OR4D2: variants seen among roughly 807,000 people sequenced by gnomAD.
The protein encoded by OR4D2 is olfactory receptor 4D2.
A neutral mutation model predicts 12.4 loss-of-function variants in OR4D2; 9 were observed. That is an observed-to-expected ratio of 0.73 (90% CI 0.44 to 1.27). The LOEUF (loss-of-function observed/expected upper bound fraction) is 1.27. Ranked by LOEUF, OR4D2 falls within the 50% of genes most tolerant of loss-of-function variation. The pLI is 0.00. For synonymous variants in OR4D2, 151 were observed against 151.1 expected, an observed-to-expected ratio of 1.00 and a Z score of 0.01; for missense variants, 373 against 381.6, an observed-to-expected ratio of 0.98 and a Z score of 0.19.
In OR4D2 at chr17:58,170,824, C is replaced by T. The variant is rs1261594106; in HGVS notation, c.*245C>T. ...TTGTTCACATGGCCCCTGAAAACCA[C>T]ACCTTCCTTTTCACCTTCTTGGTGG... is the stretch of plus-strand genomic sequence containing the variant. On this transcript the variant is annotated 3_prime_UTR_variant, in exon 2 of 2. Coordinates refer to ENST00000545221, the MANE Select transcript of OR4D2 (RefSeq NM_001004707.4). The T allele has an allele frequency of 5.9e-6, 3 of 511,318 alleles. No individual in the cohort carries two copies. Among genetic ancestry groups the T allele is most frequent in the Non-Finnish European group, 1.1e-5 (3 of 284,740 alleles). The allele number at this position is 511,318 out of a possible 1,614,324, so 31.7% of individuals were successfully genotyped here.
At position 58,170,050 on chromosome 17, in the gene OR4D2, A is replaced by G. The variant is rs1036912978; in HGVS notation, c.395A>G (p.Tyr132Cys). The G allele has an allele frequency of 3.1e-6, 5 of 1,613,874 alleles. 1 individual carries two copies. The highest frequency in any genetic ancestry group is 2.2e-5 in the South Asian group (2 of 91,046). The change falls in exon 2 of 2, where the codon TAT becomes TGT. Residue 132 changes from tyrosine to cysteine, a missense_variant. By Grantham distance (194) the Tyr-to-Cys change is radical. Coordinates refer to ENST00000545221, the MANE Select transcript of OR4D2 (RefSeq NM_001004707.4). ...RLIAISRPLR[Y>C]VTVMNTQLWV... ...ATTGCCATCTCCCGGCCCCTCCGCT[A>G]TGTCACCGTCATGAACACTCAGCTC...
Position 58,169,459 on chromosome 17 carries a change from A to C in OR4D2, c.-18-179A>C. The C allele has an allele frequency of 9.9e-6, 6 of 604,876 alleles. No homozygotes were observed. In the South Asian group the frequency reaches 1.2e-4, roughly 12 times the overall value. The allele number at this position is 604,876 out of a possible 1,614,324, so 37.5% of individuals were successfully genotyped here. Reference sequence around the variant, plus strand: ...TACTTCTGGATGGCGTTAAGATTTCAGGAATGTATATTCCAGCACCCACTT... The same window carrying C: ...TACTTCTGGATGGCGTTAAGATTTCCGGAATGTATATTCCAGCACCCACTT... On this transcript the variant is annotated intron_variant, in intron 1 of 1. Coordinates refer to ENST00000545221, the MANE Select transcript of OR4D2 (RefSeq NM_001004707.4).
At chr17:58,168,236 T>C (rs1190555048) in intron 1 of OR4D2, among the ~76,000 whole-genome samples, 1 of 151,574 alleles carries the variant, frequency 6.6e-6, no homozygotes, top group Non-Finnish European at 1.5e-5. Flanking sequence ...AGACAGAGTC[T>C]CGCTCTGTCA....
intron 1 of OR4D2, among the ~76,000 whole-genome samples, chr17:58,168,955 T>C (rs571233685): frequency 6.6e-6 from 1 of 152,340 alleles, no homozygotes; most frequent in South Asian, 2.1e-4. Flanking sequence ...CTTTTTAAGT[T>C]AACTGTCATT....
chr17:58,167,985 G>T (rs562220338), intron 1 of OR4D2, among the ~76,000 whole-genome samples: 3 of 119,838 alleles, frequency 2.5e-5, no homozygotes, highest in African/African-American at 3.6e-5. Flanking sequence ...CTGGGCGACA[G>T]CGAGACTCCG....
rs773270783 is a variant in OR4D2, at chr17:58,169,974, T to C, written c.319T>C (p.Leu107=). The C allele has an allele frequency of 6.2e-7, 1 of 1,614,120 alleles. No individual in the cohort carries two copies. Residue 107 remains leucine (L), a synonymous_variant, in exon 2 of 2, where the codon TTG becomes CTG. Coordinates refer to ENST00000545221, the MANE Select transcript of OR4D2 (RefSeq NM_001004707.4). ...CMGQIFFFHF[L]GGAMVFFLSV... is the part of the protein sequence containing the mutation. ...GGGTCAGATCTTCTTCTTCCACTTTTTGGGAGGTGCCATGGTCTTCTTCCT... is the reference window on the plus strand; with the variant it reads ...GGGTCAGATCTTCTTCTTCCACTTTCTGGGAGGTGCCATGGTCTTCTTCCT...
chr17:58,170,644 A>G lies in OR4D2; in HGVS notation c.*65A>G. 2.4e-6 allele frequency: 3 copies of G among 1,263,680 alleles called. No individual in the cohort carries two copies. Among genetic ancestry groups the G allele is most frequent in the Non-Finnish European group, 2.3e-6 (2 of 861,460 alleles). The allele number at this position is 1,263,680 out of a possible 1,614,324, so 78.3% of individuals were successfully genotyped here. On this transcript the variant is annotated 3_prime_UTR_variant, in exon 2 of 2. Transcript: ENST00000545221. ...CCCTTTGTGAAGTGGAGAGGGAGCT[A>G]CTACCTTTGCTCTCTTCATAGTGTG...
rs551869650 is a variant in OR4D2, at chr17:58,170,717, G to A, written c.*138G>A. 1.0e-5 allele frequency: 7 copies of A among 693,164 alleles called. No homozygotes were observed. Among genetic ancestry groups the A allele is most frequent in the South Asian group, 5.4e-5 (3 of 55,110 alleles). The allele number at this position is 693,164 out of a possible 1,614,324, so 42.9% of individuals were successfully genotyped here. On this transcript the variant is annotated 3_prime_UTR_variant, in exon 2 of 2. Coordinates refer to ENST00000545221, the MANE Select transcript of OR4D2 (RefSeq NM_001004707.4). Reference sequence around the variant, plus strand: ...ATGAATTTTGAAACTAAGCAACTTCGTGTTTTAGGAAAAAAGAAAGTATCC... The same window carrying A: ...ATGAATTTTGAAACTAAGCAACTTCATGTTTTAGGAAAAAAGAAAGTATCC...
rs747358654 is a variant in OR4D2 at position 58,170,588 on chromosome 17, A to G, written c.*9A>G. ...GACACCGGCTGGTTTGAGAGTGACA[A>G]TGGTAGGTTTCTTCTCTTTGGCTTT... On this transcript the variant is annotated 3_prime_UTR_variant, in exon 2 of 2. Transcript: ENST00000545221. 4 of 1,606,940 alleles carry G rather than the reference A, an allele frequency of 2.5e-6. No homozygotes were observed. Among genetic ancestry groups the G allele is most frequent in the East Asian group, 2.2e-5 (1 of 44,862 alleles).
Position 58,170,491 on chromosome 17 carries a change from C to A in OR4D2, c.836C>A (p.Thr279Asn), listed in dbSNP as rs1193435276. The change falls in exon 2 of 2, where the codon ACC becomes AAC. Residue 279 changes from threonine (T) to asparagine (N), a missense_variant. By Grantham distance (65) the Thr-to-Asn change is moderately conservative. Coordinates refer to ENST00000545221, the MANE Select transcript of OR4D2 (RefSeq NM_001004707.4). ...KLVSIGHTVM[T>N]PMLNPMIYTL... ...GTGTCCATCGGCCACACAGTCATGA[C>A]CCCCATGCTCAACCCCATGATCTAT... is the stretch of plus-strand genomic sequence containing the variant. 1 of 1,614,146 alleles carries A rather than the reference C, an allele frequency of 6.2e-7. No homozygotes were observed. The highest frequency in any genetic ancestry group is 1.1e-5 in the South Asian group (1 of 91,082).
At position 58,170,391 on chromosome 17, in the gene OR4D2, G is replaced by A. The variant is rs569478574; in HGVS notation, c.736G>A (p.Val246Met). 20 of 1,614,192 alleles carry A rather than the reference G, an allele frequency of 1.2e-5. No individual in the cohort carries two copies. The highest frequency in any genetic ancestry group is 7.7e-5 in the South Asian group (7 of 91,084). ...AASTCTTHII[V>M]VSMIFVPSIY... ...TTCCACCTGCACCACCCACATCATC[G>A]TGGTTTCCATGATCTTCGTTCCAAG... is the stretch of plus-strand genomic sequence containing the variant. The change falls in exon 2 of 2, where the codon GTG becomes ATG. Residue 246 changes from valine to methionine, a missense_variant. Coordinates refer to ENST00000545221, the MANE Select transcript of OR4D2 (RefSeq NM_001004707.4).
In OR4D2 at chr17:58,170,717, G is replaced by T; in HGVS notation, c.*138G>T. The T allele has an allele frequency of 4.3e-6, 3 of 693,164 alleles. No individual in the cohort carries two copies. Among genetic ancestry groups the T allele is most frequent in the Non-Finnish European group, 7.5e-6 (3 of 398,216 alleles). The allele number at this position is 693,164 out of a possible 1,614,324, so 42.9% of individuals were successfully genotyped here. A position where few individuals can be genotyped will look rare whatever the true frequency, so the allele number is the denominator to read the frequency against. ...ATGAATTTTGAAACTAAGCAACTTC[G>T]TGTTTTAGGAAAAAAGAAAGTATCC... On this transcript the variant is annotated 3_prime_UTR_variant, in exon 2 of 2. Transcript: ENST00000545221.
intron 1 of OR4D2, among the ~76,000 whole-genome samples, chr17:58,168,294 A>T (rs548800805): frequency 6.6e-6 from 1 of 151,906 alleles, no homozygotes; most frequent in East Asian, 1.9e-4. Context: ...GCAGCCTCCA[A>T]CCAGCTTCAA....
Position 58,170,223 on chromosome 17 carries a change from A to G in OR4D2, c.568A>G (p.Thr190Ala). 1 of 1,614,102 alleles carries G rather than the reference A, an allele frequency of 6.2e-7. No individual in the cohort carries two copies. Among genetic ancestry groups the G allele is most frequent in the Non-Finnish European group, 8.5e-7 (1 of 1,180,010 alleles). The change falls in exon 2 of 2, where the codon ACT becomes GCT. Residue 190 changes from threonine to alanine, a missense_variant. Coordinates refer to ENST00000545221, the MANE Select transcript of OR4D2 (RefSeq NM_001004707.4). ...TCCCCAAGTACTGAGACTTGCCTGC[A>G]CTGACACCTCACTGCTGGAGTTCCT... Reference protein sequence around the residue: ...DVPQVLRLACTDTSLLEFLKI... With the variant: ...DVPQVLRLACADTSLLEFLKI...
At chr17:58,169,542 C>T in intron 1 of OR4D2, 96 bp from the exon 2 acceptor site, 1 of 787,020 alleles carries the variant, frequency 1.3e-6, no homozygotes, top group Non-Finnish European at 2.2e-6. Flanking sequence ...TAAGGATGCT[C>T]ATCATATGGG....
In OR4D2 at chr17:58,170,557, T is replaced by A. The variant is rs371973850; in HGVS notation, c.902T>A (p.Leu301Ter). Residue 301 changes from leucine (L) to a stop codon, truncating the protein, a stop_gained, in exon 2 of 2, where the codon TTA becomes TAA. Coordinates refer to ENST00000545221, the MANE Select transcript of OR4D2 (RefSeq NM_001004707.4). LOFTEE classifies it high-confidence loss of function. The part of the protein sequence containing the change: ...NQDMQAAVRR[L>*]GRHRLV ...GACATGCAGGCAGCAGTGAGAAGAT[T>A]AGGGAGACACCGGCTGGTTTGAGAG... 1 of 1,613,980 alleles carries A rather than the reference T, an allele frequency of 6.2e-7. No individual in the cohort carries two copies. Among genetic ancestry groups the A allele is most frequent in the Non-Finnish European group, 8.5e-7 (1 of 1,179,974 alleles).
At position 58,170,057 on chromosome 17, in the gene OR4D2, CG is replaced by C; in HGVS notation, c.403del (p.Val135SerfsTer2). 2 of 1,614,144 alleles carry C rather than the reference CG, an allele frequency of 1.2e-6. No individual in the cohort carries two copies. The highest frequency in any genetic ancestry group is 1.7e-6 in the Non-Finnish European group (2 of 1,180,036). ...AISRPLRYVT[V>X]MNTQLWVGLV... The stretch of plus-strand genomic sequence containing the variant: ...TCTCCCGGCCCCTCCGCTATGTCAC[CG>C]TCATGAACACTCAGCTCTGGGTGGG... On this transcript the variant is annotated frameshift_variant, in exon 2 of 2. Coordinates refer to ENST00000545221, the MANE Select transcript of OR4D2 (RefSeq NM_001004707.4). LOFTEE classifies it high-confidence loss of function.
intron 1 of OR4D2, among the ~76,000 whole-genome samples, chr17:58,167,846 A>C (rs1967907703): frequency 6.6e-6 from 1 of 151,300 alleles, no homozygotes; most frequent in East Asian, 2.0e-4. Context: ...ACCGTGTTAC[A>C]AAAAAAATTA....
Position 58,170,233 on chromosome 17 carries a change from C to G in OR4D2, c.578C>G (p.Ser193Ter). ...CTGAGACTTGCCTGCACTGACACCTCACTGCTGGAGTTCCTCAAGATCTCC... is the reference window on the plus strand; with the variant it reads ...CTGAGACTTGCCTGCACTGACACCTGACTGCTGGAGTTCCTCAAGATCTCC... ...QVLRLACTDT[S>*]LLEFLKISNS... The change falls in exon 2 of 2, where the codon TCA (serine) becomes TGA (stop). Residue 193 changes from serine (S) to a stop codon, truncating the protein, a stop_gained. Coordinates refer to ENST00000545221, the MANE Select transcript of OR4D2 (RefSeq NM_001004707.4). LOFTEE classifies it high-confidence loss of function. The G allele has an allele frequency of 6.2e-7, 1 of 1,614,154 alleles. No homozygotes were observed. The highest frequency in any genetic ancestry group is 8.5e-7 in the Non-Finnish European group (1 of 1,179,990).
Sources: allele counts gnomAD v4.1 joint callset (sites outside exome capture counted in the v4.1 genomes callset), GRCh38; gene constraint gnomAD v4.1.1; transcripts MANE v1.5; gene names NCBI Gene and HGNC (gene_info 2026-07-23, HGNC 2026-07-21).